Variants in NCKAP5 observed in about 807,000 individuals in gnomAD.
NCKAP5 encodes NCK associated protein 5.
Under a neutral mutation model 167.0 loss-of-function variants are expected in NCKAP5, and 92 were observed. The ratio of observed to expected loss-of-function variants is 0.55; its 90% CI spans 0.47 to 0.66. NCKAP5 has a LOEUF of 0.66. Among genes scored for constraint, NCKAP5 ranks in the 30% least tolerant of loss-of-function variants. The pLI is 0.00. For synonymous variants in NCKAP5, 891 were observed against 877.4 expected (o/e 1.02, Z -0.27); for missense variants, 2,378 against 2,315.0 (o/e 1.03, Z -0.56).
chr2:133,011,438 T>A (rs2078157075), intron 6 of NCKAP5, among the ~76,000 whole-genome samples: 1 of 152,116 alleles, frequency 6.6e-6, no homozygotes, highest in African/African-American at 2.4e-5. Flanking sequence ...TTGCCCCAGA[T>A]TGGAAAAGAG....
intron 4 of NCKAP5, among the ~76,000 whole-genome samples, chr2:133,253,007 G>A (rs774017240): frequency 2.6e-5 from 4 of 152,144 alleles, no homozygotes; most frequent in Admixed American, 1.3e-4. Flanking sequence ...CATTCACTTC[G>A]CCAGCCTTCT....
intron 2 of NCKAP5, among the ~76,000 whole-genome samples, chr2:133,526,281 G>C (rs1372391657): frequency 1.1e-5 from 1 of 87,796 alleles, no homozygotes; most frequent in East Asian, 3.5e-4. Context: ...GGGAGGGAAG[G>C]AGGGAGGGAG....
At chr2:133,339,638 G>C (rs1683443953) in intron 3 of NCKAP5, among the ~76,000 whole-genome samples, 1 of 152,044 alleles carries the variant, frequency 6.6e-6, no homozygotes, top group African/African-American at 2.4e-5. Context: ...GATACCAATG[G>C]GGAAAAAATA....
chr2:132,682,685 C>T (rs940873796), intron 19 of NCKAP5, among the ~76,000 whole-genome samples: 2 of 152,202 alleles, frequency 1.3e-5, no homozygotes, highest in Admixed American at 6.5e-5. Flanking sequence ...TGGATGTGCC[C>T]ACCCCAAAGG....
chr2:132,676,283 CTTTTTTTTTT>C lies in NCKAP5; in HGVS notation c.5714-2988_5714-2979del, dbSNP rs61213029. 1.3e-4 allele frequency among the ~76,000 whole-genome samples: 8 copies of C among 61,140 alleles called. No individual in the cohort carries two copies. In the South Asian group the frequency reaches 1.7e-3, roughly 13 times the overall value. The allele number at this position is 61,140 out of a possible 152,430, so 40.1% of individuals were successfully genotyped here. On this transcript the variant is annotated intron_variant, in intron 19 of 19. Transcript: ENST00000409261. The stretch of plus-strand genomic sequence containing the variant: ...TCTGAGCTAGGGATGTTGTTTTATC[CTTTTTTTTTT>C]TTTTTTTTTTTTTTTTTTGCAGTGT...
chr2:133,075,000 A>G (rs2080550839), intron 6 of NCKAP5, among the ~76,000 whole-genome samples: 1 of 152,192 alleles, frequency 6.6e-6, no homozygotes, highest in African/African-American at 2.4e-5. Context: ...AGCTCAGCAA[A>G]TATCAAGCAG....
At chr2:133,646,304 G>A in the NCKAP5 span, among the ~76,000 whole-genome samples, 1 of 151,968 alleles carries the variant, frequency 6.6e-6, no homozygotes, top group African/African-American at 2.4e-5. Context: ...AGATCAAATT[G>A]TCAAAAGTTA....
the NCKAP5 span, among the ~76,000 whole-genome samples, chr2:133,616,478 CGATCCCACAGAAATACAAACTACCATCA>C: frequency 6.6e-6 from 1 of 150,802 alleles, no homozygotes; most frequent in Admixed American, 6.6e-5. Flanking sequence ...ATATCACCAC[CGATCCCACAGAAATACAAACTACCATCA>C]GAGAATACTA....
intron 3 of NCKAP5, among the ~76,000 whole-genome samples, chr2:133,417,124 A>T (rs1175359091): frequency 1.0e-4 from 7 of 67,198 alleles, no homozygotes; most frequent in East Asian, 3.1e-4. Flanking sequence ...AAAGTATGTT[A>T]AAAAAAAAAA....
At chr2:133,490,003 G>A (rs1302433123) in intron 3 of NCKAP5, among the ~76,000 whole-genome samples, 2 of 152,186 alleles carry the variant, frequency 1.3e-5, no homozygotes, top group African/African-American at 2.4e-5. Context: ...GGAGAGGGCT[G>A]AGGGGAAATA....
At chr2:133,385,282 T>G (rs1283192540) in intron 3 of NCKAP5, among the ~76,000 whole-genome samples, 1 of 152,230 alleles carries the variant, frequency 6.6e-6, no homozygotes, top group Non-Finnish European at 1.5e-5. Context: ...GTCAAAGGCC[T>G]TTTCTGCATC....
the NCKAP5 span, among the ~76,000 whole-genome samples, chr2:133,629,771 A>G: frequency 1.3e-5 from 2 of 152,228 alleles, no homozygotes; most frequent in African/African-American, 2.4e-5. Flanking sequence ...AATGTGGTAC[A>G]TATACACCAT....
intron 3 of NCKAP5, among the ~76,000 whole-genome samples, chr2:133,329,498 G>A (rs1337616227): frequency 6.6e-6 from 1 of 152,146 alleles, no homozygotes; most frequent in Non-Finnish European, 1.5e-5. Context: ...TGTTATGGAA[G>A]AGAAAAGGAG....
At chr2:133,399,386 A>T (rs1292774308) in intron 3 of NCKAP5, among the ~76,000 whole-genome samples, 1 of 130,238 alleles carries the variant, frequency 7.7e-6, no homozygotes, top group Non-Finnish European at 1.8e-5. Context: ...CCCTAAGATT[A>T]AAAAAAAAAA....
intron 6 of NCKAP5, among the ~76,000 whole-genome samples, chr2:133,109,730 T>A (rs2081844784): frequency 6.6e-6 from 1 of 151,718 alleles, no homozygotes; most frequent in Admixed American, 6.6e-5. Context: ...ATTTATTTCA[T>A]TAGGCATTTC....
intron 5 of NCKAP5, among the ~76,000 whole-genome samples, chr2:133,206,345 G>T (rs1396953579): frequency 6.6e-6 from 1 of 152,148 alleles, no homozygotes; most frequent in African/African-American, 2.4e-5. Flanking sequence ...AAATTGTGAA[G>T]ATTTCATGGA....
chr2:133,106,609 C>T (rs13423366), intron 6 of NCKAP5, among the ~76,000 whole-genome samples: 1,534 of 152,244 alleles, frequency 0.01, 31 homozygotes, highest in African/African-American at 0.036. Context: ...TGAGTTAAGT[C>T]ATTTCTAAGT....
intron 6 of NCKAP5, among the ~76,000 whole-genome samples, chr2:133,110,849 G>T (rs1446341118): frequency 2.0e-5 from 3 of 152,130 alleles, no homozygotes; most frequent in African/African-American, 7.2e-5. Context: ...AGTTCTAGAG[G>T]CTGGATGCCC....
chr2:132,768,881 T>C (rs572252467), intron 16 of NCKAP5, among the ~76,000 whole-genome samples: 11 of 151,276 alleles, frequency 7.3e-5, no homozygotes, highest in Admixed American at 5.9e-4. Flanking sequence ...CCTCGTGATC[T>C]GCCTGCCTCA....
Sources: gnomAD v4.1 joint callset for allele counts (sites outside exome capture counted in the v4.1 genomes callset) on GRCh38, gnomAD v4.1.1 for gene constraint, MANE v1.5 for transcripts, NCBI Gene and HGNC (gene_info 2026-07-23, HGNC 2026-07-21) for gene names.